CHRNA7: variants seen among roughly 807,000 people sequenced by gnomAD.
CHRNA7 encodes cholinergic receptor nicotinic alpha 7 subunit.
A neutral mutation model predicts 48.0 loss-of-function variants in CHRNA7; 17 were observed. That is an observed-to-expected ratio of 0.35 (90% confidence interval 0.24 to 0.53). CHRNA7 has a LOEUF of 0.53. Ranked by LOEUF, CHRNA7 falls within the 20% of genes least tolerant of loss-of-function variation. The probability of loss-of-function intolerance (pLI) is 0.92; values close to 1 mark genes in which losing one functional copy is unlikely to be tolerated. For synonymous variants in CHRNA7, 75 were observed against 242.3 expected (o/e 0.31, Z 6.41); for missense variants, 155 against 577.7 (o/e 0.27, Z 7.50).
intron 2 of CHRNA7, among the ~76,000 whole-genome samples, chr15:32,074,854 G>A (rs973085007): frequency 3.6e-4 from 55 of 151,912 alleles, no homozygotes; most frequent in African/African-American, 1.3e-3. Context: ...TCACCATGTC[G>A]GCCAGCCTAG....
chr15:32,112,107 A>G, intron 4 of CHRNA7: 1 of 633,422 alleles, frequency 1.6e-6, no homozygotes, highest in Non-Finnish European at 2.9e-6. Context: ...GCACACGTGC[A>G]CACGCTGGCT....
At chr15:32,116,165 G>T (rs755111044) in intron 4 of CHRNA7, among the ~76,000 whole-genome samples, 10 of 152,196 alleles carry the variant, frequency 6.6e-5, no homozygotes, top group Non-Finnish European at 1.3e-4. Context: ...AATGCATCCT[G>T]TGTAAGCCCC....
chr15:32,051,783 G>A (rs2049687514), intron 2 of CHRNA7, among the ~76,000 whole-genome samples: 1 of 152,124 alleles, frequency 6.6e-6, no homozygotes, highest in South Asian at 2.1e-4. Context: ...TTCCTATTTG[G>A]CCATCTTGGC....
At chr15:32,093,086 A>G (rs773587017) in intron 2 of CHRNA7, among the ~76,000 whole-genome samples, 1 of 152,220 alleles carries the variant, frequency 6.6e-6, no homozygotes, top group Non-Finnish European at 1.5e-5. Flanking sequence ...GATGGCTTAA[A>G]CTTAAAGGGA....
At chr15:32,070,017 G>T (rs536215769) in intron 2 of CHRNA7, among the ~76,000 whole-genome samples, 1 of 152,022 alleles carries the variant, frequency 6.6e-6, no homozygotes, top group East Asian at 1.9e-4. Flanking sequence ...ATTTATTGTG[G>T]CTTCTTAATA....
At chr15:32,030,845 G>T (rs1901788931) in intron 1 of CHRNA7, 53 bp from the exon 2 acceptor site, 10 of 1,588,332 alleles carry the variant, frequency 6.3e-6, no homozygotes, top group Middle Eastern at 1.8e-4. Context: ...GGGAGTCGGG[G>T]GTACCCCCGC....
intron 4 of CHRNA7, among the ~76,000 whole-genome samples, chr15:32,117,726 A>G (rs1246903407): frequency 6.6e-6 from 1 of 152,108 alleles, no homozygotes; most frequent in Non-Finnish European, 1.5e-5. Flanking sequence ...TTATGGAGTC[A>G]TGGCAGTGCA....
At chr15:32,111,555 T>C (rs2050762472) in intron 3 of CHRNA7, 1 of 423,480 alleles carries the variant, frequency 2.4e-6, no homozygotes, top group African/African-American at 2.0e-5. Context: ...ACTTTAATGA[T>C]ACCATCTGAA....
At chr15:32,101,247 T>A in intron 2 of CHRNA7, 56 bp from the exon 3 acceptor site, 1 of 1,561,452 alleles carries the variant, frequency 6.4e-7, no homozygotes, top group Non-Finnish European at 8.7e-7. Flanking sequence ...AATTGTCTCA[T>A]TCTTTCTTTT....
At chr15:32,133,804 C>T (rs990139845) in intron 4 of CHRNA7, among the ~76,000 whole-genome samples, 1 of 152,172 alleles carries the variant, frequency 6.6e-6, no homozygotes, top group Non-Finnish European at 1.5e-5. Flanking sequence ...CTGTGAGGCT[C>T]TGGGCACCTG....
chr15:32,101,141 C>G, intron 2 of CHRNA7, 162 bp from the exon 3 acceptor site: 1 of 652,292 alleles, frequency 1.5e-6, no homozygotes, highest in South Asian at 2.1e-5. Flanking sequence ...AAAAGCTTAA[C>G]TCTAGGGAAA....
Position 32,167,757 on chromosome 15 carries a change from C to T in CHRNA7, c.991-183C>T, listed in dbSNP as rs1258206867. Among the ~76,000 whole-genome samples, 3 of 62,802 alleles carry T rather than the reference C, an allele frequency of 4.8e-5. 1 individual carries two copies. Among genetic ancestry groups the T allele is most frequent in the Non-Finnish European group, 1.2e-4 (3 of 25,286 alleles). The allele number at this position is 62,802 out of a possible 152,430, so 41.2% of individuals were successfully genotyped here. A position where few individuals can be genotyped will look rare whatever the true frequency, so the allele number is the denominator to read the frequency against. ...GGGTGCATCAGTTTTAGTCTTGCCT[C>T]ACGTTGAACTCGACTGCTTGTCATA... On this transcript the variant is annotated intron_variant, in intron 9 of 9. Coordinates refer to ENST00000306901, the MANE Select transcript of CHRNA7 (RefSeq NM_000746.6).
At chr15:32,128,206 A>G (rs1414533593) in intron 4 of CHRNA7, among the ~76,000 whole-genome samples, 1 of 151,952 alleles carries the variant, frequency 6.6e-6, no homozygotes, top group East Asian at 1.9e-4. Flanking sequence ...TCGTATAGTA[A>G]CGCTTAACAT....
At chr15:32,045,559 C>A (rs1247934222) in intron 2 of CHRNA7, among the ~76,000 whole-genome samples, 1 of 150,222 alleles carries the variant, frequency 6.7e-6, no homozygotes, top group Non-Finnish European at 1.5e-5. Flanking sequence ...TTTTTTGAGA[C>A]AGAGTCTCAC....
At position 32,141,053 on chromosome 15, in the gene CHRNA7, A is replaced by G. The variant is rs1385077251; in HGVS notation, c.351-12854A>G. On this transcript the variant is annotated intron_variant, in intron 4 of 9. Coordinates refer to ENST00000306901, the MANE Select transcript of CHRNA7 (RefSeq NM_000746.6). The stretch of plus-strand genomic sequence containing the variant: ...TTTCTTCTAGGGTTTTTATGGTTTT[A>G]TGTCTTAGGTTTAAGTCTTTAATCC... Among the ~76,000 whole-genome samples, 5 of 152,178 alleles carry G rather than the reference A, an allele frequency of 3.3e-5. No individual in the cohort carries two copies. In the South Asian group the frequency reaches 8.3e-4, roughly 25 times the overall value.
chr15:32,116,799 A>G (rs781468183), intron 4 of CHRNA7, among the ~76,000 whole-genome samples: 16 of 152,256 alleles, frequency 1.1e-4, no homozygotes, highest in African/African-American at 3.6e-4. Context: ...TGATGAAGAT[A>G]TTTAAAGATG....
At chr15:32,115,416 GC>G (rs944428758) in intron 4 of CHRNA7, among the ~76,000 whole-genome samples, 26 of 151,894 alleles carry the variant, frequency 1.7e-4, no homozygotes, top group Admixed American at 1.3e-4. Flanking sequence ...TGTCATCTCT[GC>G]CCCCCCTTGC....
intron 4 of CHRNA7, among the ~76,000 whole-genome samples, chr15:32,147,487 A>C (rs2051514818): frequency 6.6e-6 from 1 of 152,226 alleles, no homozygotes; most frequent in Admixed American, 6.5e-5. Flanking sequence ...CAAGAGTTTG[A>C]GGCTCCAGTG....
At chr15:32,082,742 T>C (rs2050235886) in intron 2 of CHRNA7, among the ~76,000 whole-genome samples, 1 of 152,226 alleles carries the variant, frequency 6.6e-6, no homozygotes, top group South Asian at 2.1e-4. Context: ...ACTTTGTTGA[T>C]AATATTGCAA....
Sources: allele counts gnomAD v4.1 joint callset (sites outside exome capture counted in the v4.1 genomes callset), GRCh38; gene constraint gnomAD v4.1.1; transcripts MANE v1.5; gene names NCBI Gene and HGNC (gene_info 2026-07-23, HGNC 2026-07-21).